The following STAG1 variants were observed in gnomAD, a reference collection of about 807,000 sequenced individuals.
STAG1 encodes cohesin subunit SA-1.
Under a neutral mutation model 170.9 loss-of-function variants are expected in STAG1, and 26 were observed. The observed-to-expected ratio is 0.15, with a 90% CI of 0.11 to 0.21. The LOEUF (loss-of-function observed/expected upper bound fraction) is 0.21, where lower values mean the gene tolerates loss of function less well. Among genes scored for constraint, STAG1 ranks in the 10% least tolerant of loss-of-function variants. STAG1 has a pLI of 1.00. For synonymous variants in STAG1, 514 were observed against 497.7 expected (o/e 1.03, Z -0.44); for missense variants, 964 against 1,509.5 (o/e 0.64, Z 5.99).
chr3:136,454,359 C>A (rs1254127203), intron 13 of STAG1, among the ~76,000 whole-genome samples: 1 of 147,346 alleles, frequency 6.8e-6, no homozygotes, highest in Non-Finnish European at 1.5e-5. Context: ...GGATTACAGG[C>A]CTGAGCCACC....
intron 16 of STAG1, among the ~76,000 whole-genome samples, chr3:136,425,961 C>A (rs1444232324): frequency 6.6e-6 from 1 of 151,308 alleles, no homozygotes; most frequent in African/African-American, 2.4e-5. Context: ...CATTAATTAT[C>A]TCTCAGTTTT....
chr3:136,477,434 A>C (rs1362016083), intron 9 of STAG1, 22 bp from the exon 10 acceptor site: 1 of 1,583,052 alleles, frequency 6.3e-7, no homozygotes, highest in South Asian at 1.2e-5. Context: ...AAAAAAAGAC[A>C]ATCTCAAATT....
chr3:136,349,574 T>C (rs931368304), intron 28 of STAG1, among the ~76,000 whole-genome samples: 8 of 152,082 alleles, frequency 5.3e-5, no homozygotes, highest in African/African-American at 1.9e-4. Flanking sequence ...AGCAAGTGAG[T>C]GTATTACCTA....
chr3:136,462,926 G>A (rs536254377), intron 13 of STAG1, among the ~76,000 whole-genome samples: 1 of 152,034 alleles, frequency 6.6e-6, no homozygotes, highest in Non-Finnish European at 1.5e-5. Flanking sequence ...CTATTATACA[G>A]AGAACCAATC....
chr3:136,591,508 G>C (rs992995425), intron 4 of STAG1: 3 of 411,556 alleles, frequency 7.3e-6, no homozygotes, highest in Non-Finnish European at 1.4e-5. Context: ...GAAGTTCGAG[G>C]TCAGCCTGGA....
In STAG1 at chr3:136,343,889, C is replaced by T. The variant is rs774233927; in HGVS notation, c.3389G>A (p.Gly1130Glu). 6.2e-7 allele frequency: 1 copy of T among 1,608,466 alleles called. No homozygotes were observed. Among genetic ancestry groups the T allele is most frequent in the South Asian group, 1.1e-5 (1 of 90,162 alleles). Reference sequence around the variant, plus strand: ...AGACTCAGGTTCTTGAATCTGGTCTCCCATGGGCCGACTGTTCTCCCGCAG... The same window carrying T: ...AGACTCAGGTTCTTGAATCTGGTCTTCCATGGGCCGACTGTTCTCCCGCAG... The part of the protein sequence containing the change: ...TVLRENSRPM[G>E]DQIQEPESEH... Residue 1130 changes from glycine to glutamate, a missense_variant, in exon 30 of 34, where the codon GGA (glycine) becomes GAA (glutamate). By Grantham distance (98) the Gly-to-Glu change is moderately conservative. Coordinates refer to ENST00000383202, the MANE Select transcript of STAG1 (RefSeq NM_005862.3).
chr3:136,592,939 T>A (rs1282160700), intron 4 of STAG1, among the ~76,000 whole-genome samples: 1 of 152,162 alleles, frequency 6.6e-6, no homozygotes, highest in Non-Finnish European at 1.5e-5. Flanking sequence ...TTTGTCTGAG[T>A]TCAAAGGCAC....
intron 5 of STAG1, among the ~76,000 whole-genome samples, chr3:136,560,058 G>A (rs1258492501): frequency 6.6e-6 from 1 of 152,152 alleles, no homozygotes; most frequent in Non-Finnish European, 1.5e-5. Context: ...AAATCACTGA[G>A]ATGCTAATTA....
chr3:136,405,908 A>G (rs1407785165), intron 21 of STAG1, among the ~76,000 whole-genome samples: 1 of 152,028 alleles, frequency 6.6e-6, no homozygotes, highest in Non-Finnish European at 1.5e-5. Flanking sequence ...ATGACGATAC[A>G]CAATAACTGA....
At chr3:136,376,008 A>AAT (rs1560069393) in intron 23 of STAG1, among the ~76,000 whole-genome samples, 11 of 133,280 alleles carry the variant, frequency 8.3e-5, no homozygotes, top group African/African-American at 3.2e-4. Flanking sequence ...AAATAAATAA[A>AAT]TAATTAACAA....
chr3:136,540,322 A>G (rs556562472), intron 6 of STAG1, among the ~76,000 whole-genome samples: 1 of 151,262 alleles, frequency 6.6e-6, no homozygotes, highest in Admixed American at 6.7e-5. Flanking sequence ...TTACTATCAA[A>G]CAAAAAAAAA....
chr3:136,633,947 AACC>A (rs1288383686), intron 1 of STAG1, among the ~76,000 whole-genome samples: 1 of 126,510 alleles, frequency 7.9e-6, no homozygotes, highest in East Asian at 2.8e-4. Context: ...AACATGGTGA[AACC>A]CTGTCTCTAC....
intron 1 of STAG1, among the ~76,000 whole-genome samples, chr3:136,727,957 AGACCAGCCT>A (rs1289229001): frequency 6.6e-6 from 1 of 152,088 alleles, no homozygotes; most frequent in African/African-American, 2.4e-5. Flanking sequence ...CAAGAGTTTG[AGACCAGCCT>A]GGCCAACCTG....
chr3:136,517,798 G>A (rs1934459730), intron 7 of STAG1, among the ~76,000 whole-genome samples: 1 of 151,820 alleles, frequency 6.6e-6, no homozygotes, highest in East Asian at 1.9e-4. Flanking sequence ...ATAAAAATAA[G>A]GGCACTTAGC....
At chr3:136,598,643 G>T (rs1437356500) in intron 4 of STAG1, among the ~76,000 whole-genome samples, 1 of 152,020 alleles carries the variant, frequency 6.6e-6, no homozygotes, top group Non-Finnish European at 1.5e-5. Flanking sequence ...ACCCAGGATG[G>T]TTTCGATCTC....
At chr3:136,607,191 G>C (rs1938993377) in intron 3 of STAG1, among the ~76,000 whole-genome samples, 1 of 152,012 alleles carries the variant, frequency 6.6e-6, no homozygotes, top group African/African-American at 2.4e-5. Flanking sequence ...TCTTTCCATA[G>C]TGTACCCTTC....
intron 16 of STAG1, among the ~76,000 whole-genome samples, chr3:136,426,397 G>A (rs919268325): frequency 2.0e-5 from 3 of 152,152 alleles, no homozygotes; most frequent in Non-Finnish European, 4.4e-5. Flanking sequence ...GGGCAATAGC[G>A]AGACTCCGTC....
chr3:136,486,020 AGT>A (rs1204617091), intron 9 of STAG1, among the ~76,000 whole-genome samples: 1 of 152,220 alleles, frequency 6.6e-6, no homozygotes, highest in Non-Finnish European at 1.5e-5. Context: ...TCCTTAGAGC[AGT>A]GTTTTTAAAA....
chr3:136,413,784 A>G (rs894639678), intron 21 of STAG1, among the ~76,000 whole-genome samples: 1 of 152,122 alleles, frequency 6.6e-6, no homozygotes, highest in African/African-American at 2.4e-5. Context: ...TAAAACTACT[A>G]TGGTTAAAAC....
Sources: allele counts gnomAD v4.1 joint callset (sites outside exome capture counted in the v4.1 genomes callset), GRCh38; gene constraint gnomAD v4.1.1; transcripts MANE v1.5; gene names NCBI Gene and HGNC (gene_info 2026-07-23, HGNC 2026-07-21).